The following NBPF15 variants were observed in gnomAD, a reference collection of about 807,000 sequenced individuals.
The protein encoded by NBPF15 is NBPF family member NBPF15.
In NBPF15, 74 loss-of-function variants were observed where a neutral mutation model predicts 62.2. That is an observed-to-expected ratio of 1.19 (90% CI 0.99 to 1.44). The LOEUF is 1.44. Ranked by LOEUF, NBPF15 falls within the 40% of genes most tolerant of loss-of-function variation. The pLI is 0.00. For missense variants in NBPF15, 790 were observed against 550.0 expected (o/e 1.44, Z -4.36); for synonymous variants, 244 against 209.7 (o/e 1.16, Z -1.41).
intron 4 of NBPF15, among the ~76,000 whole-genome samples, chr1:144,453,389 A>T (rs1376956454): frequency 6.6e-6 from 1 of 151,948 alleles, no homozygotes; most frequent in East Asian, 1.9e-4. Flanking sequence ...GAGATAACAT[A>T]GGAGAAAATC....
Position 144,422,593 on chromosome 1 carries a change from C to G in NBPF15, c.*420G>C, listed in dbSNP as rs1666528612. ...ATGGATCAGCTAAAACAAGCCAACA[C>G]TGAAGACACAAAGAATGAGGTTAGG... On this transcript the variant is annotated 3_prime_UTR_variant, in exon 22 of 22. Transcript: ENST00000581897. The G allele has an allele frequency of 7.8e-6, 2 of 256,712 alleles. No individual in the cohort carries two copies. Among genetic ancestry groups the G allele is most frequent in the Non-Finnish European group, 1.4e-5 (2 of 142,876 alleles). The allele number at this position is 256,712 out of a possible 1,614,324, so 15.9% of individuals were successfully genotyped here.
At chr1:144,432,645 C>A (rs1395844664) in intron 13 of NBPF15, among the ~76,000 whole-genome samples, 5 of 151,888 alleles carry the variant, frequency 3.3e-5, no homozygotes, top group African/African-American at 1.2e-4. Flanking sequence ...CAAAAAAAGG[C>A]AGGGGTTGCA....
chr1:144,455,923 A>C (rs1465460260), intron 4 of NBPF15, among the ~76,000 whole-genome samples: 2 of 152,028 alleles, frequency 1.3e-5, no homozygotes, highest in African/African-American at 4.8e-5. Flanking sequence ...CTGGGGAACC[A>C]AGAATTCCAC....
intron 17 of NBPF15, 37 bp downstream of exon 17, chr1:144,427,010 A>G (rs1670228933): frequency 2.6e-6 from 2 of 761,164 alleles, no homozygotes; most frequent in Admixed American, 1.7e-5. Context: ...TCCAGGTGTC[A>G]ACACACAATT....
intron 8 of NBPF15, among the ~76,000 whole-genome samples, chr1:144,439,327 C>A: frequency 6.6e-6 from 1 of 152,074 alleles, no homozygotes; most frequent in Middle Eastern, 3.4e-3. Context: ...AGCACAGGTT[C>A]TATTAGGAGT....
chr1:144,447,510 AAG>A (rs1159742454), intron 6 of NBPF15, among the ~76,000 whole-genome samples: 1 of 151,784 alleles, frequency 6.6e-6, no homozygotes, highest in Admixed American at 6.6e-5. Flanking sequence ...ACCTAACTAC[AAG>A]TGTGCACACA....
At chr1:144,444,842 T>G (rs1254458112) in intron 6 of NBPF15, among the ~76,000 whole-genome samples, 65 of 151,966 alleles carry the variant, frequency 4.3e-4, no homozygotes, top group African/African-American at 1.5e-3. Flanking sequence ...CAGGTTGGTC[T>G]GGAAACACAC....
intron 13 of NBPF15, among the ~76,000 whole-genome samples, chr1:144,432,203 C>A (rs1553540319): frequency 6.6e-6 from 1 of 151,932 alleles, no homozygotes; most frequent in African/African-American, 2.4e-5. Context: ...CATATCCAGC[C>A]AAACAAAGCT....
chr1:144,424,628 G>T (rs1325185310), intron 20 of NBPF15, 62 bp downstream of exon 20: 4 of 653,392 alleles, frequency 6.1e-6, no homozygotes, highest in Non-Finnish European at 1.1e-5. Flanking sequence ...ATTGGAGCAG[G>T]AATATGATCT....
rs186252459 is a variant in NBPF15 at position 144,458,832 on chromosome 1, G to C, written c.-701+534C>G. Among the ~76,000 whole-genome samples, 66 of 151,980 alleles carry C rather than the reference G, an allele frequency of 4.3e-4. 4 individuals are homozygous for C. In the East Asian group the frequency reaches 0.012, roughly 28 times the overall value. On this transcript the variant is annotated intron_variant, in intron 3 of 21. Coordinates refer to ENST00000581897, the MANE Select transcript of NBPF15 (RefSeq NM_001385408.1). ...AAGTGGGAAGATTACTTGAGCCCAA[G>C]AGTTTGAGACCAACCTGGGAAACAT... is the stretch of plus-strand genomic sequence containing the variant.
In NBPF15 at chr1:144,423,881, T is replaced by C. The variant is rs868926616; in HGVS notation, c.1758A>G (p.Pro586=). 2.1e-5 allele frequency: 16 copies of C among 775,846 alleles called. No individual in the cohort carries two copies. Among genetic ancestry groups the C allele is most frequent in the Non-Finnish European group, 2.8e-5 (12 of 427,854 alleles). The allele number at this position is 775,846 out of a possible 1,614,324, so 48.1% of individuals were successfully genotyped here. A position where few individuals can be genotyped will look rare whatever the true frequency, so the allele number is the denominator to read the frequency against. Residue 586 remains proline, a synonymous_variant, in exon 21 of 22, where the codon CCA becomes CCG. Coordinates refer to ENST00000581897, the MANE Select transcript of NBPF15 (RefSeq NM_001385408.1). ...TTGCTGAAAGTTACCTGGGGCATGGTGGGTTGTCATCTTCCCCTTCTTTTC... is the reference window on the plus strand; with the variant it reads ...TTGCTGAAAGTTACCTGGGGCATGGCGGGTTGTCATCTTCCCCTTCTTTTC... The part of the protein sequence containing the change: ...RGRKEGEDDN[P]PCPRLYGVLM...
chr1:144,424,114 G>T, intron 20 of NBPF15, 139 bp from the exon 21 acceptor site: 1 of 737,232 alleles, frequency 1.4e-6, no homozygotes, highest in Non-Finnish European at 2.5e-6. Context: ...ATTTCAGGAG[G>T]TCTGAAGGCT....
intron 6 of NBPF15, among the ~76,000 whole-genome samples, chr1:144,446,002 C>T (rs1323707646): frequency 5.4e-5 from 8 of 147,142 alleles, no homozygotes; most frequent in Non-Finnish European, 9.0e-5. Flanking sequence ...ACTACAGGCA[C>T]ATGCCACCAT....
chr1:144,461,151 C>A (rs587668021), intron 1 of NBPF15, among the ~76,000 whole-genome samples, 190 bp from the exon 2 acceptor site: 3 of 151,972 alleles, frequency 2.0e-5, no homozygotes, highest in Non-Finnish European at 2.9e-5. Flanking sequence ...CGTCCCTCCA[C>A]CCCCTGAGAT....
chr1:144,424,341 T>G (rs1290875036), intron 20 of NBPF15, among the ~76,000 whole-genome samples: 2 of 151,544 alleles, frequency 1.3e-5, no homozygotes, highest in Non-Finnish European at 2.9e-5. Flanking sequence ...TTGTTCATGG[T>G]TGTGAGGACT....
intron 8 of NBPF15, among the ~76,000 whole-genome samples, chr1:144,439,364 A>G (rs1158228817): frequency 6.6e-6 from 1 of 151,996 alleles, no homozygotes; most frequent in Non-Finnish European, 1.5e-5. Context: ...CCCTCAGAGC[A>G]GGTACTGGCT....
At position 144,423,226 on chromosome 1, in the gene NBPF15, C is replaced by A. The variant is rs587634015; in HGVS notation, c.1800G>T (p.Glu600Asp). ...CCAGTGAGTCCTGTAAGACTTCAGG[C>A]TCTTCCACTTCCATCAGCACGCCGT... ...RLYGVLMEVE[E>D]PEVLQDSLDR... The change falls in exon 22 of 22, where the codon GAG becomes GAT. Residue 600 changes from glutamate (E) to aspartate (D), a missense_variant. Glu to Asp is a conservative substitution (Grantham distance 45, BLOSUM62 2). Coordinates refer to ENST00000581897, the MANE Select transcript of NBPF15 (RefSeq NM_001385408.1). The A allele has an allele frequency of 1.9e-6, 3 of 1,611,438 alleles. No homozygotes were observed. Among genetic ancestry groups the A allele is most frequent in the African/African-American group, 1.3e-5 (1 of 74,750 alleles).
chr1:144,452,534 G>A (rs1220477592), intron 4 of NBPF15, among the ~76,000 whole-genome samples: 3 of 151,360 alleles, frequency 2.0e-5, no homozygotes, highest in African/African-American at 7.3e-5. Flanking sequence ...CTACAAACAG[G>A]TTCAAGGGAA....
chr1:144,444,294 C>T (rs1296272089), intron 6 of NBPF15, among the ~76,000 whole-genome samples: 7 of 150,150 alleles, frequency 4.7e-5, no homozygotes, highest in Admixed American at 6.6e-5. Context: ...AAGCCAGTGC[C>T]CTTATACAAA....
Sources: gnomAD v4.1 joint callset for allele counts (sites outside exome capture counted in the v4.1 genomes callset) on GRCh38, gnomAD v4.1.1 for gene constraint, MANE v1.5 for transcripts, NCBI Gene and HGNC (gene_info 2026-07-23, HGNC 2026-07-21) for gene names.